The following MTMR14 variants were observed in gnomAD, a reference collection of about 807,000 sequenced individuals.
MTMR14 encodes phosphatidylinositol-3,5-bisphosphate 3-phosphatase MTMR14.
A neutral mutation model predicts 86.3 loss-of-function variants in MTMR14; 48 were observed. The observed-to-expected ratio is 0.56, with a 90% CI of 0.44 to 0.71. MTMR14 has a LOEUF of 0.71. Among genes scored for constraint, MTMR14 ranks in the 30% least tolerant of loss-of-function variants. The probability of loss-of-function intolerance (pLI) is 0.00; values close to 1 mark genes in which losing one functional copy is unlikely to be tolerated. For synonymous variants in MTMR14, 366 were observed against 326.1 expected (o/e 1.12, Z -1.32); for missense variants, 780 against 834.6 (o/e 0.93, Z 0.81).
At chr3:9,659,574 G>C (rs1302711232) in intron 2 of MTMR14, 1 of 379,264 alleles carries the variant, frequency 2.6e-6, no homozygotes, top group East Asian at 7.3e-5. Flanking sequence ...CTCCCGAGTA[G>C]CTGGGATTAG....
chr3:9,701,866 G>A lies in MTMR14; in HGVS notation c.1846G>A (p.Val616Met). 1 of 1,614,006 alleles carries A rather than the reference G, an allele frequency of 6.2e-7. No individual in the cohort carries two copies. Among genetic ancestry groups the A allele is most frequent in the Non-Finnish European group, 8.5e-7 (1 of 1,180,058 alleles). ...SAFLAAYSST[V>M]GLRAVAPSPS... ...CTTCTTGGCTGCGTACAGCAGCACA[G>A]TGGGGCTTCGGGCAGTAGCCCCCAG... The change falls in exon 19 of 19, where the codon GTG becomes ATG. Residue 616 changes from valine (V) to methionine (M), a missense_variant. By Grantham distance (21) the Val-to-Met change is conservative (BLOSUM62 1). Transcript: ENST00000296003. This position sits in a 1 kb window ranked among gnomAD's most constrained non-coding sequence, Gnocchi z 4.2.
At chr3:9,682,935 C>G (rs112625046) in intron 9 of MTMR14, among the ~76,000 whole-genome samples, 2 of 149,142 alleles carry the variant, frequency 1.3e-5, no homozygotes, top group East Asian at 3.9e-4. Context: ...GGGTCAGAGC[C>G]CCCCCCCCGC....
In MTMR14 at chr3:9,701,586, T is replaced by G; in HGVS notation, c.1770-204T>G. On this transcript the variant is annotated intron_variant, in intron 18 of 18. Coordinates refer to ENST00000296003, the MANE Select transcript of MTMR14 (RefSeq NM_001077525.3). The surrounding 1 kb of genome is among the most constrained non-coding windows in gnomAD (Gnocchi z 4.2). ...CCTGCTCTAGGTGGGAACAGTAGCCTGAGGGCTTAGAGGAATGGTTTAAGG... is the reference window on the plus strand; with the variant it reads ...CCTGCTCTAGGTGGGAACAGTAGCCGGAGGGCTTAGAGGAATGGTTTAAGG... 1 of 648,524 alleles carries G rather than the reference T, an allele frequency of 1.5e-6. No individual in the cohort carries two copies. The highest frequency in any genetic ancestry group is 2.7e-6 in the Non-Finnish European group (1 of 366,802). 40.2% of individuals were successfully genotyped at this position (648,524 alleles called of 1,614,324 possible).
intron 2 of MTMR14, among the ~76,000 whole-genome samples, chr3:9,655,440 C>G (rs768856938): frequency 2.7e-5 from 4 of 148,594 alleles, no homozygotes; most frequent in South Asian, 4.3e-4. Context: ...AGTCTACATT[C>G]TGTGAGAGCT....
chr3:9,672,220 G>GT (rs1266905724), intron 6 of MTMR14, among the ~76,000 whole-genome samples: 1 of 152,102 alleles, frequency 6.6e-6, no homozygotes, highest in Non-Finnish European at 1.5e-5. Context: ...TGGTTGATAT[G>GT]TTGGAATAGG....
In MTMR14 at chr3:9,662,392, A is replaced by G. The variant is rs1446589678; in HGVS notation, c.417+17A>G. 4 of 1,595,998 alleles carry G rather than the reference A, an allele frequency of 2.5e-6. No homozygotes were observed. In the East Asian group the frequency reaches 6.7e-5, roughly 27 times the overall value. Reference sequence around the variant, plus strand: ...AAGGGCAAGGTAAGGCCCATACCATAGCTTCATGCTCCACGACTCTCTTCT... The same window carrying G: ...AAGGGCAAGGTAAGGCCCATACCATGGCTTCATGCTCCACGACTCTCTTCT... On this transcript the variant is annotated intron_variant, in intron 3 of 18. Coordinates refer to ENST00000296003, the MANE Select transcript of MTMR14 (RefSeq NM_001077525.3).
chr3:9,670,941 A>AG (rs2048535652), intron 5 of MTMR14, 107 bp from the exon 6 acceptor site: 1 of 1,457,688 alleles, frequency 6.9e-7, no homozygotes, highest in Non-Finnish European at 9.6e-7. Flanking sequence ...CACACGCCCC[A>AG]GCTTCTGGAG....
intron 3 of MTMR14, among the ~76,000 whole-genome samples, chr3:9,667,892 C>T (rs186105777): frequency 3.4e-4 from 52 of 152,308 alleles, no homozygotes; most frequent in African/African-American, 1.2e-3. Flanking sequence ...CAGCAGTGAG[C>T]TTCACTCCCT....
At chr3:9,655,882 C>T (rs2047572043) in intron 2 of MTMR14, among the ~76,000 whole-genome samples, 1 of 152,014 alleles carries the variant, frequency 6.6e-6, no homozygotes, top group Non-Finnish European at 1.5e-5. Flanking sequence ...CCTTAGTTTC[C>T]TCATCTGTAA....
chr3:9,691,233 A>G (rs1300634303), intron 17 of MTMR14, among the ~76,000 whole-genome samples: 1 of 152,078 alleles, frequency 6.6e-6, no homozygotes, highest in East Asian at 1.9e-4. Flanking sequence ...TGAGTGCTGG[A>G]GCTGAGCCTG....
rs2076483963 is a variant in MTMR14, at chr3:9,702,280, C to T, written c.*307C>T. Reference sequence around the variant, plus strand: ...TGGGGCCTTGTGGAAGCCATGACTTCACAAAGACCCTACCTGTCAGTTCTT... The same window carrying T: ...TGGGGCCTTGTGGAAGCCATGACTTTACAAAGACCCTACCTGTCAGTTCTT... On this transcript the variant is annotated 3_prime_UTR_variant, in exon 19 of 19. Coordinates refer to ENST00000296003, the MANE Select transcript of MTMR14 (RefSeq NM_001077525.3). The T allele has an allele frequency of 2.1e-6, 1 of 467,042 alleles. No homozygotes were observed. The highest frequency in any genetic ancestry group is 4.0e-6 in the Non-Finnish European group (1 of 252,904). The allele number at this position is 467,042 out of a possible 1,614,324, so 28.9% of individuals were successfully genotyped here.
At chr3:9,671,250 A>G in intron 6 of MTMR14, 80 bp downstream of exon 6, 1 of 1,596,468 alleles carries the variant, frequency 6.3e-7, no homozygotes, top group Non-Finnish European at 8.6e-7. Flanking sequence ...TGTAGCTGTC[A>G]CTGCGTGCTG....
intron 2 of MTMR14, among the ~76,000 whole-genome samples, chr3:9,655,297 G>A (rs2047532591): frequency 6.6e-6 from 1 of 151,330 alleles, no homozygotes. Context: ...AACCCAGGAG[G>A]TGGAGGTTGC....
intron 2 of MTMR14, among the ~76,000 whole-genome samples, chr3:9,659,097 T>TC (rs1490242416): frequency 1.3e-5 from 2 of 152,128 alleles, no homozygotes; most frequent in African/African-American, 2.4e-5. Context: ...TAGCCAAGCA[T>TC]CGTGGCATGT....
chr3:9,681,678 T>A (rs2075773455), intron 9 of MTMR14, among the ~76,000 whole-genome samples: 1 of 152,166 alleles, frequency 6.6e-6, no homozygotes, highest in Non-Finnish European at 1.5e-5. Flanking sequence ...GAGCCTTGTT[T>A]GTTTGTTTGT....
intron 14 of MTMR14, 46 bp downstream of exon 14, chr3:9,687,937 G>T: frequency 6.7e-7 from 1 of 1,494,210 alleles, no homozygotes; most frequent in Non-Finnish European, 9.2e-7. Context: ...GGCGCTCTGA[G>T]AAGGGCTGCT....
At position 9,649,711 on chromosome 3, in the gene MTMR14, C is replaced by T. The variant is rs1466012511; in HGVS notation, c.128C>T (p.Ala43Val). The T allele has an allele frequency of 5.6e-6, 9 of 1,613,168 alleles. No individual in the cohort carries two copies. Among genetic ancestry groups the T allele is most frequent in the Admixed American group, 1.7e-5 (1 of 59,912 alleles). The change falls in exon 1 of 19, where the codon GCC (alanine) becomes GTC (valine). Residue 43 changes from alanine to valine, a missense_variant. Physicochemically the swap from Ala to Val is moderately conservative, Grantham distance 64. Coordinates refer to ENST00000296003, the MANE Select transcript of MTMR14 (RefSeq NM_001077525.3). The stretch of plus-strand genomic sequence containing the variant: ...GAGTTCTCCCGGACTCAGTACCGGG[C>T]CAAGGATGGCAGCGGGACCGGCGGC... ...LEEFSRTQYR[A>V]KDGSGTGGSK...
At position 9,694,948 on chromosome 3, in the gene MTMR14, C is replaced by T. The variant is rs572561007; in HGVS notation, c.1614-2763C>T. Among the ~76,000 whole-genome samples the T allele has an allele frequency of 2.4e-4, 36 of 152,250 alleles. No homozygotes were observed. The South Asian group carries it at 4.1e-3, about 18-fold the overall frequency. The stretch of plus-strand genomic sequence containing the variant: ...CACCCTCCTAGGCAGAGGTCTGAGC[C>T]GCTGGGATGTGGACAGGTGACCTCT... On this transcript the variant is annotated intron_variant, in intron 17 of 18. Coordinates refer to ENST00000296003, the MANE Select transcript of MTMR14 (RefSeq NM_001077525.3).
At chr3:9,692,686 C>G (rs1336472178) in intron 17 of MTMR14, among the ~76,000 whole-genome samples, 1 of 152,218 alleles carries the variant, frequency 6.6e-6, no homozygotes, top group Admixed American at 6.5e-5. Context: ...CCACTGAGCC[C>G]AGCTTGAAGC....
Sources: gnomAD v4.1 joint callset for allele counts (sites outside exome capture counted in the v4.1 genomes callset) on GRCh38, gnomAD v4.1.1 for gene constraint, Gnocchi (gnomAD v3.1) non-coding constraint, MANE v1.5 for transcripts, NCBI Gene and HGNC (gene_info 2026-07-23, HGNC 2026-07-21) for gene names.